Variants in CALHM6 observed in about 807,000 individuals in gnomAD.
CALHM6 encodes the protein calcium homeostasis modulator family member 6.
CALHM6 carries 15 observed loss-of-function variants against 12.7 expected under a neutral mutation model. That is an observed-to-expected ratio of 1.18 (90% CI 0.79 to 1.82). CALHM6 has a LOEUF of 1.82. CALHM6 is among the 40% of genes most tolerant of loss of function. CALHM6 has a pLI of 0.00. For missense variants in CALHM6, 434 were observed against 421.0 expected (o/e 1.03, Z -0.27); for synonymous variants, 212 against 193.7 (o/e 1.09, Z -0.78).
chr6:116,462,364 C>T lies in CALHM6; in HGVS notation c.435C>T (p.Ser145=), dbSNP rs1562326582. The change falls in exon 2 of 3, where the codon AGC becomes AGT. Residue 145 remains serine (S), a synonymous_variant. Coordinates refer to ENST00000368605, the MANE Select transcript of CALHM6 (RefSeq NM_001010919.3). ...GCCTGTGCCTCGGCCGCAACCGCAGCTGCGCCGCGGAGCTGCCGCTGGTGC... is the reference window on the plus strand; with the variant it reads ...GCCTGTGCCTCGGCCGCAACCGCAGTTGCGCCGCGGAGCTGCCGCTGGTGC... ...AQRLCLGRNR[S]CAAELPLVPC... The T allele has an allele frequency of 1.4e-6, 2 of 1,453,854 alleles. No homozygotes were observed. The highest frequency in any genetic ancestry group is 3.0e-5 in the African/African-American group (2 of 67,130). The allele number at this position is 1,453,854 out of a possible 1,614,324, so 90.1% of individuals were successfully genotyped here. A position where few individuals can be genotyped will look rare whatever the true frequency, so the allele number is the denominator to read the frequency against.
rs11544159 is a variant in CALHM6 at position 116,462,259 on chromosome 6, C to T, written c.330C>T (p.Pro110=). 526 of 1,378,674 alleles carry T rather than the reference C, an allele frequency of 3.8e-4. No individual in the cohort carries two copies. The highest frequency in any genetic ancestry group is 4.6e-4 in the Non-Finnish European group (496 of 1,073,374). 85.4% of individuals were successfully genotyped at this position (1,378,674 alleles called of 1,614,324 possible). A position where few individuals can be genotyped will look rare whatever the true frequency, so the allele number is the denominator to read the frequency against. Reference sequence around the variant, plus strand: ...TCAGCGCGGCCGCCGCGCTCGCGCCCCTCACCTGGGTGGCCGTGGCGCTGC... The same window carrying T: ...TCAGCGCGGCCGCCGCGCTCGCGCCTCTCACCTGGGTGGCCGTGGCGCTGC... ...TQISAAAALA[P]LTWVAVALLG... The change falls in exon 2 of 3, where the codon CCC becomes CCT. Residue 110 remains proline, a synonymous_variant. Coordinates refer to ENST00000368605, the MANE Select transcript of CALHM6 (RefSeq NM_001010919.3).
In CALHM6 at chr6:116,463,509, C is replaced by T. The variant is rs769221187; in HGVS notation, c.752C>T (p.Thr251Ile). Residue 251 changes from threonine (T) to isoleucine (I), a missense_variant, in exon 3 of 3, where the codon ACT becomes ATT. By Grantham distance (89) the Thr-to-Ile change is moderately conservative (BLOSUM62 -1). Coordinates refer to ENST00000368605, the MANE Select transcript of CALHM6 (RefSeq NM_001010919.3). Reference sequence around the variant, plus strand: ...GGCTCGCATCCAAAAGAATATAACACTCCAAGCATGAAAGAGTGGCAGCAA... The same window carrying T: ...GGCTCGCATCCAAAAGAATATAACATTCCAAGCATGAAAGAGTGGCAGCAA... The part of the protein sequence containing the change: ...FEGSHPKEYN[T>I]PSMKEWQQIS... 5 of 1,614,048 alleles carry T rather than the reference C, an allele frequency of 3.1e-6. No homozygotes were observed. In the Admixed American group the frequency reaches 5.0e-5, roughly 16 times the overall value.
chr6:116,461,538 C>A, intron 1 of CALHM6, 109 bp downstream of exon 1: 3 of 1,061,544 alleles, frequency 2.8e-6, no homozygotes, highest in Non-Finnish European at 4.3e-6. Flanking sequence ...TTCCAACTGG[C>A]GGCCGTGGGT....
chr6:116,462,590 A>G (rs1784804092), intron 2 of CALHM6, 136 bp downstream of exon 2: 2 of 542,272 alleles, frequency 3.7e-6, no homozygotes, highest in African/African-American at 2.0e-5. Flanking sequence ...GGCTCCTTGC[A>G]TCTAATTTGC....
Position 116,462,002 on chromosome 6 carries a change from C to T in CALHM6, c.73C>T (p.Leu25=), listed in dbSNP as rs375704178. 5 of 1,548,796 alleles carry T rather than the reference C, an allele frequency of 3.2e-6. No individual in the cohort carries two copies. The highest frequency in any genetic ancestry group is 4.4e-6 in the Non-Finnish European group (5 of 1,146,030). ...CGCCTTGGGCTACGGCCTGGTGACC[C>T]TGCTGACGGCGGGCGGGGAGCGCAT... The part of the protein sequence containing the change: ...HSALGYGLVT[L]LTAGGERIFS... The change falls in exon 2 of 3, where the codon CTG becomes TTG. Residue 25 remains leucine, a synonymous_variant. Coordinates refer to ENST00000368605, the MANE Select transcript of CALHM6 (RefSeq NM_001010919.3).
At chr6:116,462,476 C>A in intron 2 of CALHM6, 22 bp downstream of exon 2, 1 of 1,472,266 alleles carries the variant, frequency 6.8e-7, no homozygotes, top group Non-Finnish European at 9.0e-7. Context: ...GCGCTGGGGG[C>A]GTTTGGGAGG....
chr6:116,462,321 G>A lies in CALHM6; in HGVS notation c.392G>A (p.Ser131Asn). The change falls in exon 2 of 3, where the codon AGC becomes AAC. Residue 131 changes from serine (S) to asparagine (N), a missense_variant. Ser to Asn is a conservative substitution (Grantham distance 46). Transcript: ENST00000368605. ...GAFYECAATG[S>N]AAFAQRLCLG... Reference sequence around the variant, plus strand: ...TTTTACGAGTGCGCGGCCACCGGGAGCGCGGCCTTCGCGCAGCGCCTGTGC... The same window carrying A: ...TTTTACGAGTGCGCGGCCACCGGGAACGCGGCCTTCGCGCAGCGCCTGTGC... 5 of 1,436,604 alleles carry A rather than the reference G, an allele frequency of 3.5e-6. No individual in the cohort carries two copies. Among genetic ancestry groups the A allele is most frequent in the Non-Finnish European group, 3.6e-6 (4 of 1,100,358 alleles). 89.0% of individuals were successfully genotyped at this position (1,436,604 alleles called of 1,614,324 possible). A position where few individuals can be genotyped will look rare whatever the true frequency, so the allele number is the denominator to read the frequency against.
Position 116,462,325 on chromosome 6 carries a change from G to T in CALHM6, c.396G>T (p.Ala132=). ...AFYECAATGS[A]AFAQRLCLGR... ...ACGAGTGCGCGGCCACCGGGAGCGC[G>T]GCCTTCGCGCAGCGCCTGTGCCTCG... Residue 132 remains alanine, a synonymous_variant, in exon 2 of 3, where the codon GCG becomes GCT. Coordinates refer to ENST00000368605, the MANE Select transcript of CALHM6 (RefSeq NM_001010919.3). 1.4e-6 allele frequency: 2 copies of T among 1,437,522 alleles called. No individual in the cohort carries two copies. Among genetic ancestry groups the T allele is most frequent in the East Asian group, 3.0e-5 (1 of 33,144 alleles). 89.0% of individuals were successfully genotyped at this position (1,437,522 alleles called of 1,614,324 possible).
In CALHM6 at chr6:116,462,017, G is replaced by A. The variant is rs1298066816; in HGVS notation, c.88G>A (p.Gly30Arg). ...YGLVTLLTAG[G>R]ERIFSAVAFQ... Reference sequence around the variant, plus strand: ...CCTGGTGACCCTGCTGACGGCGGGCGGGGAGCGCATCTTCTCCGCCGTGGC... The same window carrying A: ...CCTGGTGACCCTGCTGACGGCGGGCAGGGAGCGCATCTTCTCCGCCGTGGC... The change falls in exon 2 of 3, where the codon GGG becomes AGG. Residue 30 changes from glycine to arginine, a missense_variant. By Grantham distance (125) the Gly-to-Arg change is moderately radical (BLOSUM62 -2). Coordinates refer to ENST00000368605, the MANE Select transcript of CALHM6 (RefSeq NM_001010919.3). 2 of 1,548,530 alleles carry A rather than the reference G, an allele frequency of 1.3e-6. No homozygotes were observed. The highest frequency in any genetic ancestry group is 1.7e-6 in the Non-Finnish European group (2 of 1,146,100).
Position 116,463,716 on chromosome 6 carries a change from G to T in CALHM6, c.*11G>T. The T allele has an allele frequency of 2.0e-6, 3 of 1,484,060 alleles. No homozygotes were observed. Among genetic ancestry groups the T allele is most frequent in the East Asian group, 2.4e-5 (1 of 42,142 alleles). The allele number at this position is 1,484,060 out of a possible 1,614,324, so 91.9% of individuals were successfully genotyped here. A position where few individuals can be genotyped will look rare whatever the true frequency, so the allele number is the denominator to read the frequency against. On this transcript the variant is annotated 3_prime_UTR_variant, in exon 3 of 3. Coordinates refer to ENST00000368605, the MANE Select transcript of CALHM6 (RefSeq NM_001010919.3). ...ACTCCTGAGTTATGACCTTTTGAAT[G>T]AGTAGAAAAAAAAATTGTTTTGAAT...
Position 116,463,316 on chromosome 6 carries a change from A to T in CALHM6, c.559A>T (p.Ile187Phe), listed in dbSNP as rs149964263. The change falls in exon 3 of 3, where the codon ATC (isoleucine) becomes TTC (phenylalanine). Residue 187 changes from isoleucine to phenylalanine, a missense_variant. Physicochemically the swap from Ile to Phe is conservative, Grantham distance 21 (BLOSUM62 0). Coordinates refer to ENST00000368605, the MANE Select transcript of CALHM6 (RefSeq NM_001010919.3). Reference sequence around the variant, plus strand: ...CTGGATCTTGATAGCAGTTGTTATCATCATTCTTCTGATTTTTACATCTGT... The same window carrying T: ...CTGGATCTTGATAGCAGTTGTTATCTTCATTCTTCTGATTTTTACATCTGT... Reference protein sequence around the residue: ...LGWILIAVVIIILLIFTSVTR... With the variant: ...LGWILIAVVIFILLIFTSVTR... 2 of 1,613,804 alleles carry T rather than the reference A, an allele frequency of 1.2e-6. No homozygotes were observed. Among genetic ancestry groups the T allele is most frequent in the African/African-American group, 2.7e-5 (2 of 74,924 alleles).
Position 116,461,792 on chromosome 6 carries a change from T to TAAAAAAAA in CALHM6, c.-58-70_-58-63dup, listed in dbSNP as rs4031591. On this transcript the variant is annotated intron_variant, in intron 1 of 2. Transcript: ENST00000368605. ...AAGGTCTGAGAAGCCCTCTTCCCTTTAAAAAAAAAAAAAAAAAGGCTGCTT... is the reference window on the plus strand; with the variant it reads ...AAGGTCTGAGAAGCCCTCTTCCCTTTAAAAAAAAAAAAAAAAAAAAAAAAAGGCTGCTT... 63 of 747,286 alleles carry TAAAAAAAA rather than the reference T, an allele frequency of 8.4e-5. 1 individual carries two copies. Among genetic ancestry groups the TAAAAAAAA allele is most frequent in the African/African-American group, 4.9e-4 (23 of 46,674 alleles). The allele number at this position is 747,286 out of a possible 1,614,324, so 46.3% of individuals were successfully genotyped here.
At chr6:116,463,052 C>G (rs1175706984) in intron 2 of CALHM6, among the ~76,000 whole-genome samples, 3 of 152,160 alleles carry the variant, frequency 2.0e-5, no homozygotes, top group Non-Finnish European at 4.4e-5. Flanking sequence ...GGGCTCCTCC[C>G]TGGGCAGAAT....
At position 116,463,546 on chromosome 6, in the gene CALHM6, G is replaced by A. The variant is rs1290437239; in HGVS notation, c.789G>A (p.Leu263=). The A allele has an allele frequency of 1.9e-6, 3 of 1,614,036 alleles. No individual in the cohort carries two copies. In the East Asian group the frequency reaches 6.7e-5, roughly 36 times the overall value. The change falls in exon 3 of 3, where the codon CTG becomes CTA. Residue 263 remains leucine (L), a synonymous_variant. Transcript: ENST00000368605. ...AAGAGTGGCAGCAAATTTCATCACT[G>A]TATACTTTCAATCCGAAGGGCCAGT... ...SMKEWQQISS[L]YTFNPKGQYY...
intron 1 of CALHM6, 81 bp from the exon 2 acceptor site, chr6:116,461,791 T>TAAAA (rs1562326003): frequency 6.5e-5 from 35 of 541,240 alleles, no homozygotes; most frequent in South Asian, 1.8e-4. Flanking sequence ...CCTCTTCCCT[T>TAAAA]TAAAAAAAAA....
intron 1 of CALHM6, 48 bp from the exon 2 acceptor site, chr6:116,461,824 G>T: frequency 2.9e-5 from 31 of 1,078,586 alleles, no homozygotes; most frequent in Non-Finnish European, 3.7e-5. Flanking sequence ...GCTTCTCGCA[G>T]AGTGGAAAGC....
chr6:116,463,353 T>G lies in CALHM6; in HGVS notation c.596T>G (p.Leu199Arg). 6.2e-7 allele frequency: 1 copy of G among 1,614,134 alleles called. No individual in the cohort carries two copies. ...ATTTTTACATCTGTCACCCGATGCC[T>G]ATCTCCAGTTAGTTTTCTGCAGCTG... ...LLIFTSVTRC[L>R]SPVSFLQLKF... Residue 199 changes from leucine (L) to arginine (R), a missense_variant, in exon 3 of 3, where the codon CTA becomes CGA. By Grantham distance (102) the Leu-to-Arg change is moderately radical. Coordinates refer to ENST00000368605, the MANE Select transcript of CALHM6 (RefSeq NM_001010919.3).
Position 116,462,372 on chromosome 6 carries a change from C to T in CALHM6, c.443C>T (p.Ala148Val). 2 of 1,456,766 alleles carry T rather than the reference C, an allele frequency of 1.4e-6. No individual in the cohort carries two copies. The highest frequency in any genetic ancestry group is 9.0e-7 in the Non-Finnish European group (1 of 1,108,932). The allele number at this position is 1,456,766 out of a possible 1,614,324, so 90.2% of individuals were successfully genotyped here. Residue 148 changes from alanine to valine, a missense_variant, in exon 2 of 3, where the codon GCG (alanine) becomes GTG (valine). By Grantham distance (64) the Ala-to-Val change is moderately conservative. Coordinates refer to ENST00000368605, the MANE Select transcript of CALHM6 (RefSeq NM_001010919.3). ...CTCGGCCGCAACCGCAGCTGCGCCG[C>T]GGAGCTGCCGCTGGTGCCGTGCAAC... ...LCLGRNRSCAAELPLVPCNQA... is the reference protein window; with the variant it reads ...LCLGRNRSCAVELPLVPCNQA...
intron 1 of CALHM6, 56 bp from the exon 2 acceptor site, chr6:116,461,816 T>C (rs1182780494): frequency 3.2e-5 from 29 of 920,036 alleles, no homozygotes; most frequent in Non-Finnish European, 4.1e-5. Context: ...AAAAGGCTGC[T>C]TCTCGCAGAG....
Sources: allele counts gnomAD v4.1 joint callset (sites outside exome capture counted in the v4.1 genomes callset), GRCh38; gene constraint gnomAD v4.1.1; transcripts MANE v1.5; gene names NCBI Gene and HGNC (gene_info 2026-07-23, HGNC 2026-07-21).